The following DHX8 variants were observed in gnomAD, a reference collection of about 807,000 sequenced individuals.
The protein encoded by DHX8 is DEAH-box helicase 8.
DHX8 carries 67 observed loss-of-function variants against 140.7 expected under a neutral mutation model. The ratio of observed to expected loss-of-function variants is 0.48; its 90% CI spans 0.39 to 0.58. The LOEUF is 0.58. DHX8 is among the 20% of genes least tolerant of loss of function. DHX8 has a pLI of 0.00. For missense variants in DHX8, 887 were observed against 1,550.7 expected, an observed-to-expected ratio of 0.57 and a Z score of 7.19; for synonymous variants, 533 against 553.2, an observed-to-expected ratio of 0.96 and a Z score of 0.51.
rs1214053304 is a variant in DHX8 at position 43,492,984 on chromosome 17, T to C, written c.807T>C (p.Asn269=). 1.5e-5 allele frequency: 25 copies of C among 1,614,068 alleles called. No individual in the cohort carries two copies. Among genetic ancestry groups the C allele is most frequent in the Non-Finnish European group, 2.0e-5 (24 of 1,180,042 alleles). Residue 269 remains asparagine (N), a synonymous_variant, in exon 6 of 23, where the codon AAT becomes AAC. Coordinates refer to ENST00000262415, the MANE Select transcript of DHX8 (RefSeq NM_004941.3). The part of the protein sequence containing the change: ...PEEPTIGDIY[N]GKVTSIMQFG... ...AGCCCACCATTGGTGACATTTATAA[T>C]GGCAAAGTTACCAGCATCATGCAGT...
In DHX8 at chr17:43,525,049, C is replaced by T. The variant is rs1346568372; in HGVS notation, c.*1202C>T. 1.0e-6 allele frequency: 1 copy of T among 985,394 alleles called. No homozygotes were observed. The highest frequency in any genetic ancestry group is 1.7e-5 in the African/African-American group (1 of 57,240). The allele number at this position is 985,394 out of a possible 1,614,324, so 61.0% of individuals were successfully genotyped here. On this transcript the variant is annotated 3_prime_UTR_variant, in exon 23 of 23. Transcript: ENST00000262415. ...CGTCAAGCAATCCTCCTGCCTCTGC[C>T]TCCCAAAGCGCTGGGATTACAGTTG...
chr17:43,535,985 C>T (rs1267149476), intron 2 of DHX8, among the ~76,000 whole-genome samples: 2 of 152,196 alleles, frequency 1.3e-5, no homozygotes, highest in Non-Finnish European at 2.9e-5. Context: ...GTTGTGCATG[C>T]CTGTAATCCC....
chr17:43,493,026 G>T lies in DHX8; in HGVS notation c.849G>T (p.Gln283His). ...TSIMQFGCFV[Q>H]LEGLRKRWEG... Reference sequence around the variant, plus strand: ...TCATGCAGTTTGGTTGCTTTGTGCAGCTGGAAGGACTAAGGTAATGACTGG... The same window carrying T: ...TCATGCAGTTTGGTTGCTTTGTGCATCTGGAAGGACTAAGGTAATGACTGG... Residue 283 changes from glutamine to histidine, a missense_variant, in exon 6 of 23, where the codon CAG becomes CAT. By Grantham distance (24) the Gln-to-His change is conservative. Transcript: ENST00000262415. 1.2e-6 allele frequency: 2 copies of T among 1,613,696 alleles called. No homozygotes were observed. Among genetic ancestry groups the T allele is most frequent in the Non-Finnish European group, 8.5e-7 (1 of 1,179,620 alleles).
chr17:43,530,270 T>G (rs911959398), downstream of DHX8: 104 of 1,533,968 alleles, frequency 6.8e-5, no homozygotes, highest in Non-Finnish European at 8.2e-5. Context: ...ATTCAAGAAT[T>G]TCTTCCTTCC....
In DHX8 at chr17:43,521,410, C is replaced by T. The variant is rs1970369335; in HGVS notation, c.3108C>T (p.His1036=). The change falls in exon 21 of 23, where the codon CAC becomes CAT. Residue 1036 remains histidine (H), a synonymous_variant. Coordinates refer to ENST00000262415, the MANE Select transcript of DHX8 (RefSeq NM_004941.3). ...ALADQKKAKF[H]QTEGDHLTLL... Reference sequence around the variant, plus strand: ...CAGATCAGAAGAAGGCCAAATTCCACCAGACTGAAGGGGACCACCTCACCC... The same window carrying T: ...CAGATCAGAAGAAGGCCAAATTCCATCAGACTGAAGGGGACCACCTCACCC... 1 of 1,613,696 alleles carries T rather than the reference C, an allele frequency of 6.2e-7. No homozygotes were observed. The highest frequency in any genetic ancestry group is 1.3e-5 in the African/African-American group (1 of 74,868).
At chr17:43,534,089 A>G (rs1971107145) in intron 2 of DHX8, 1 of 1,234,352 alleles carries the variant, frequency 8.1e-7, no homozygotes, top group Non-Finnish European at 1.1e-6. Flanking sequence ...GGTGACTGGT[A>G]CAGCCTCCTT....
chr17:43,526,214 C>T (rs943879091), downstream of DHX8: 10 of 985,370 alleles, frequency 1.0e-5, no homozygotes, highest in Non-Finnish European at 1.2e-5. Flanking sequence ...CTTCCTTGAA[C>T]CAGTATTTCC....
At chr17:43,496,604 C>T (rs1237780906) in intron 9 of DHX8, among the ~76,000 whole-genome samples, 1 of 152,006 alleles carries the variant, frequency 6.6e-6, no homozygotes, top group African/African-American at 2.4e-5. Flanking sequence ...ATGGTGAAAC[C>T]GTGTCTCTAC....
At chr17:43,526,659 A>T (rs138775814), downstream of DHX8, 7 of 1,528,054 alleles carry the variant, frequency 4.6e-6, no homozygotes, top group South Asian at 7.2e-5. Flanking sequence ...CTTTCCCTGG[A>T]TGCTGCTTCT....
At position 43,483,978 on chromosome 17, in the gene DHX8, C is replaced by G. The variant is rs1967952646; in HGVS notation, c.-60C>G. The G allele has an allele frequency of 1.3e-6, 2 of 1,583,724 alleles. No homozygotes were observed. The highest frequency in any genetic ancestry group is 1.4e-5 in the African/African-American group (1 of 73,610). ...CTGACCCGGAAGTGAAAGCTGGAAC[C>G]CGGCCGGAGTAGCTCTGAGCGCCGG... On this transcript the variant is annotated 5_prime_UTR_variant, in exon 1 of 23. Coordinates refer to ENST00000262415, the MANE Select transcript of DHX8 (RefSeq NM_004941.3).
intron 2 of DHX8, chr17:43,534,017 G>A (rs1191125601): frequency 1.3e-6 from 2 of 1,484,796 alleles, no homozygotes; most frequent in East Asian, 2.7e-5. Flanking sequence ...AGCAAGGCCA[G>A]AGCCTGTCAC....
At chr17:43,528,654 G>C (rs752584136), downstream of DHX8, 47 of 1,614,058 alleles carry the variant, frequency 2.9e-5, no homozygotes, top group Non-Finnish European at 3.7e-5. Context: ...ACTCAGCCTT[G>C]AGAGCTGGAC....
chr17:43,526,527 G>C (rs1970624828), downstream of DHX8: 1 of 1,535,692 alleles, frequency 6.5e-7, no homozygotes, highest in Non-Finnish European at 8.7e-7. Flanking sequence ...GGTTGCTGTA[G>C]CTGTCTCATT....
Position 43,523,601 on chromosome 17 carries a change from T to TTGA in DHX8, c.3444-26_3444-24dup, listed in dbSNP as rs1379793660. On this transcript the variant is annotated intron_variant, in intron 22 of 22. Coordinates refer to ENST00000262415, the MANE Select transcript of DHX8 (RefSeq NM_004941.3). Reference sequence around the variant, plus strand: ...TAGAGTGGGGCCTATATCCAGAGGCTTGAGTACTATCTCTGTCCCCCCTCA... The same window carrying TTGA: ...TAGAGTGGGGCCTATATCCAGAGGCTTGATGAGTACTATCTCTGTCCCCCCTCA... 3.1e-6 allele frequency: 5 copies of TTGA among 1,613,008 alleles called. No homozygotes were observed. The Admixed American group carries it at 8.3e-5, about 27-fold the overall frequency.
At chr17:43,537,230 TTGGCGGGA>T (rs1598208453) in intron 3 of DHX8, among the ~76,000 whole-genome samples, 1 of 151,964 alleles carries the variant, frequency 6.6e-6, no homozygotes, top group East Asian at 1.9e-4. Flanking sequence ...GCTGGTCGTG[TTGGCGGGA>T]GCCTATAATC....
downstream of DHX8, among the ~76,000 whole-genome samples, chr17:43,531,580 T>G (rs564290424): frequency 1.9e-3 from 286 of 152,298 alleles, 2 homozygotes; most frequent in African/African-American, 6.5e-3. Flanking sequence ...GATGGGCACC[T>G]GTAACCCCAG....
intron 12 of DHX8, among the ~76,000 whole-genome samples, chr17:43,505,999 TTG>T (rs149299592): frequency 6.0e-5 from 9 of 150,204 alleles, no homozygotes; most frequent in Non-Finnish European, 1.0e-4. Context: ...TCTCAGAGAT[TTG>T]TGTGTGTGTG....
intron 1 of DHX8, among the ~76,000 whole-genome samples, chr17:43,485,506 G>T (rs1223423768): frequency 6.6e-6 from 1 of 151,684 alleles, no homozygotes; most frequent in East Asian, 1.9e-4. Context: ...AACTTTTCCC[G>T]CAGGATTCTT....
chr17:43,537,730 C>T (rs1474608893), intron 3 of DHX8, among the ~76,000 whole-genome samples: 2 of 151,786 alleles, frequency 1.3e-5, no homozygotes, highest in African/African-American at 2.4e-5. Context: ...CATGGTGGCT[C>T]ATGCCTGTAA....
Sources: gnomAD v4.1 joint callset for allele counts (sites outside exome capture counted in the v4.1 genomes callset) on GRCh38, gnomAD v4.1.1 for gene constraint, MANE v1.5 for transcripts, NCBI Gene and HGNC (gene_info 2026-07-23, HGNC 2026-07-21) for gene names.